Variants in LRRC37A2 observed in about 807,000 individuals in gnomAD.
The protein encoded by LRRC37A2 is leucine-rich repeat-containing protein 37A2.
A neutral mutation model predicts 68.8 loss-of-function variants in LRRC37A2; 9 were observed. The observed-to-expected ratio is 0.13, with a 90% CI of 0.08 to 0.23. The LOEUF is 0.23. Ranked by LOEUF, LRRC37A2 falls within the 10% of genes least tolerant of loss-of-function variation. LRRC37A2 has a pLI of 1.00. For missense variants in LRRC37A2, 168 were observed against 950.4 expected (o/e 0.18, Z 10.82); for synonymous variants, 63 against 367.6 (o/e 0.17, Z 9.48).
At chr17:46,703,680 C>CAAAA in the LRRC37A2 span, among the ~76,000 whole-genome samples, 31 of 37,546 alleles carry the variant, frequency 8.3e-4, no homozygotes, top group African/African-American at 2.1e-3. Flanking sequence ...GACTCCGTCT[C>CAAAA]AAAAAAAAAA....
the LRRC37A2 span, among the ~76,000 whole-genome samples, chr17:46,852,168 C>T: frequency 6.6e-6 from 1 of 152,224 alleles, no homozygotes; most frequent in African/African-American, 2.4e-5. Flanking sequence ...CTTCGCCCTG[C>T]GGAGCGGAGA....
chr17:46,727,237 T>C, the LRRC37A2 span, among the ~76,000 whole-genome samples: 1 of 152,182 alleles, frequency 6.6e-6, no homozygotes, highest in Admixed American at 6.5e-5. Flanking sequence ...TCCTACAGAA[T>C]ACAAACATGA....
At chr17:46,963,147 A>T in the LRRC37A2 span, among the ~76,000 whole-genome samples, 1 of 152,216 alleles carries the variant, frequency 6.6e-6, no homozygotes, top group East Asian at 1.9e-4. Context: ...TTCACAATAA[A>T]TCATGATGTC....
the LRRC37A2 span, among the ~76,000 whole-genome samples, chr17:46,717,357 A>C: frequency 6.6e-6 from 1 of 152,202 alleles, no homozygotes; most frequent in Non-Finnish European, 1.5e-5. Flanking sequence ...AGTGGTAACA[A>C]AAATACCATT....
At chr17:46,851,662 C>G in the LRRC37A2 span, 1 of 1,301,116 alleles carries the variant, frequency 7.7e-7, no homozygotes, top group Non-Finnish European at 9.7e-7. This position sits in a 1 kb window ranked among gnomAD's most constrained non-coding sequence, Gnocchi z 4.3. Context: ...CCGCGCTGGC[C>G]CTGGCCGGGC....
chr17:46,829,120 T>C, the LRRC37A2 span, among the ~76,000 whole-genome samples: 1 of 152,252 alleles, frequency 6.6e-6, no homozygotes, highest in Non-Finnish European at 1.5e-5. Flanking sequence ...TGGAAGCTAC[T>C]GAATTGTGCA....
chr17:46,681,461 G>A, the LRRC37A2 span, among the ~76,000 whole-genome samples: 11 of 139,668 alleles, frequency 7.9e-5, no homozygotes, highest in Admixed American at 1.4e-4. Context: ...CTGCACTCCC[G>A]CTTGGGCAAC....
At chr17:46,541,772 A>G (rs2055366833) in intron 8 of LRRC37A2, among the ~76,000 whole-genome samples, 2 of 151,040 alleles carry the variant, frequency 1.3e-5, no homozygotes, top group Non-Finnish European at 2.9e-5. Context: ...TTTACACTGT[A>G]TTAGGTACTT....
chr17:46,956,849 T>G, the LRRC37A2 span, among the ~76,000 whole-genome samples: 2 of 152,094 alleles, frequency 1.3e-5, no homozygotes, highest in Non-Finnish European at 2.9e-5. Context: ...GACTAAATCC[T>G]TGAAAGAGCA....
the LRRC37A2 span, among the ~76,000 whole-genome samples, chr17:46,858,783 T>C: frequency 0.025 from 3,743 of 152,044 alleles, 157 homozygotes; most frequent in African/African-American, 0.086. Flanking sequence ...CCTCCTGCCT[T>C]AGCCTCCTGA....
At chr17:46,997,189 A>G in the LRRC37A2 span, among the ~76,000 whole-genome samples, 1 of 152,198 alleles carries the variant, frequency 6.6e-6, no homozygotes, top group Non-Finnish European at 1.5e-5. Flanking sequence ...CATCTGTACT[A>G]AAAATACAAA....
chr17:46,490,767 C>G, the LRRC37A2 span, among the ~76,000 whole-genome samples: 3 of 149,936 alleles, frequency 2.0e-5, no homozygotes, highest in Non-Finnish European at 4.4e-5. Context: ...TGCTTTTTCC[C>G]TTTATCAGGA....
the LRRC37A2 span, chr17:47,027,496 A>G: frequency 1.2e-6 from 1 of 803,634 alleles, no homozygotes; most frequent in South Asian, 1.4e-5. Flanking sequence ...TCTTGCTATT[A>G]TTCATACCAA....
chr17:46,533,629 G>T (rs71249613), intron 6 of LRRC37A2, among the ~76,000 whole-genome samples: 19,159 of 68,374 alleles, frequency 0.28, 3,207 homozygotes, highest in East Asian at 0.71. Context: ...AGCCTCCTGA[G>T]TAGCTGGGAC....
At chr17:46,497,382 T>C in the LRRC37A2 span, among the ~76,000 whole-genome samples, 1 of 149,162 alleles carries the variant, frequency 6.7e-6, no homozygotes, top group Non-Finnish European at 1.5e-5. Context: ...TCTGTTTCTT[T>C]TTTCTGCCTA....
At chr17:46,994,368 A>G in the LRRC37A2 span, among the ~76,000 whole-genome samples, 1 of 148,446 alleles carries the variant, frequency 6.7e-6, no homozygotes, top group African/African-American at 2.5e-5. Context: ...CTGGGCAACT[A>G]CAGTGAAACT....
chr17:46,750,159 C>T, the LRRC37A2 span, among the ~76,000 whole-genome samples: 1 of 152,150 alleles, frequency 6.6e-6, no homozygotes, highest in African/African-American at 2.4e-5. Context: ...TCGAGACCAG[C>T]CTGGCCAACA....
the LRRC37A2 span, among the ~76,000 whole-genome samples, chr17:46,778,369 T>C: frequency 5.3e-5 from 8 of 152,188 alleles, no homozygotes; most frequent in Non-Finnish European, 1.0e-4. Flanking sequence ...GGATGCTCCA[T>C]TCAAAGGCTT....
the LRRC37A2 span, chr17:46,978,584 G>A: frequency 1.3e-6 from 2 of 1,523,304 alleles, no homozygotes; most frequent in East Asian, 2.6e-5. Context: ...AGCGGGGCGA[G>A]GGTCCGGGTC....
Sources: gnomAD v4.1 joint callset for allele counts (sites outside exome capture counted in the v4.1 genomes callset) on GRCh38, gnomAD v4.1.1 for gene constraint, Gnocchi (gnomAD v3.1) non-coding constraint, MANE v1.5 for transcripts, NCBI Gene and HGNC (gene_info 2026-07-23, HGNC 2026-07-21) for gene names.